The following MAML2 variants were observed in gnomAD, a reference collection of about 807,000 sequenced individuals.
MAML2 encodes the protein mastermind like transcriptional coactivator 2.
MAML2 carries 22 observed loss-of-function variants against 96.1 expected under a neutral mutation model. That is an observed-to-expected ratio of 0.23 (90% confidence interval 0.16 to 0.33). The LOEUF (loss-of-function observed/expected upper bound fraction) is 0.33. Among genes scored for constraint, MAML2 ranks in the 10% least tolerant of loss-of-function variants. The probability of loss-of-function intolerance (pLI) is 1.00; values close to 1 mark genes in which losing one functional copy is unlikely to be tolerated. For missense variants in MAML2, 1,367 were observed against 1,392.4 expected (o/e 0.98, Z 0.29); for synonymous variants, 561 against 521.3 (o/e 1.08, Z -1.04).
At chr11:96,045,460 TC>T (rs1337535839) in intron 2 of MAML2, among the ~76,000 whole-genome samples, 2 of 152,148 alleles carry the variant, frequency 1.3e-5, no homozygotes, top group Admixed American at 1.3e-4. Context: ...GTCTGAGATC[TC>T]CCCAAACCTC....
intron 1 of MAML2, among the ~76,000 whole-genome samples, chr11:96,231,815 A>T (rs965632637): frequency 2.0e-5 from 3 of 152,140 alleles, no homozygotes; most frequent in Non-Finnish European, 4.4e-5. Flanking sequence ...TGTGGGCAGG[A>T]ATCTCCTTAG....
chr11:96,256,564 G>A (rs764676917), intron 1 of MAML2, among the ~76,000 whole-genome samples: 1 of 152,188 alleles, frequency 6.6e-6, no homozygotes, highest in Admixed American at 6.5e-5. Context: ...ATAGGAATCT[G>A]TATTTGTTCT....
rs190299556 is a variant in MAML2 at position 96,222,636 on chromosome 11, G to A, written c.513+118747C>T. Reference sequence around the variant, plus strand: ...CTTCCATTTTGCTACTTCTTTTCATGTTCTAATTCGATGCTCCAGAAGTAC... The same window carrying A: ...CTTCCATTTTGCTACTTCTTTTCATATTCTAATTCGATGCTCCAGAAGTAC... On this transcript the variant is annotated intron_variant, in intron 1 of 4. Coordinates refer to ENST00000524717, the MANE Select transcript of MAML2 (RefSeq NM_032427.4). 1.1e-4 allele frequency among the ~76,000 whole-genome samples: 16 copies of A among 152,228 alleles called. No homozygotes were observed. The East Asian group carries it at 1.9e-3, about 18-fold the overall frequency.
chr11:96,342,920 A>G lies in MAML2; in HGVS notation c.-1025T>C, dbSNP rs1864020221. On this transcript the variant is annotated 5_prime_UTR_variant, in exon 1 of 5. Transcript: ENST00000524717. Reference sequence around the variant, plus strand: ...TGGTCAAACTTACAAACTTCCAGCAAATTGCACCGAGTCATGTCCAGCCAC... The same window carrying G: ...TGGTCAAACTTACAAACTTCCAGCAGATTGCACCGAGTCATGTCCAGCCAC... 1 of 376,810 alleles carries G rather than the reference A, an allele frequency of 2.7e-6. No homozygotes were observed. Among genetic ancestry groups the G allele is most frequent in the East Asian group, 3.7e-5 (1 of 26,864 alleles). The allele number at this position is 376,810 out of a possible 1,614,324, so 23.3% of individuals were successfully genotyped here.
intron 2 of MAML2, among the ~76,000 whole-genome samples, chr11:96,045,751 G>T (rs1480757166): frequency 1.3e-5 from 2 of 152,170 alleles, no homozygotes; most frequent in African/African-American, 4.8e-5. Flanking sequence ...CCAAGTGGAT[G>T]AAACTTCCTT....
rs961384218 is a variant in MAML2, at chr11:96,313,833, A to T, written c.513+27550T>A. ...TCCTCATACTTGATTAAAAATGCAGATATTAGGGTTTTACAGCAGAAATTT... is the reference window on the plus strand; with the variant it reads ...TCCTCATACTTGATTAAAAATGCAGTTATTAGGGTTTTACAGCAGAAATTT... On this transcript the variant is annotated intron_variant, in intron 1 of 4. Transcript: ENST00000524717. Among the ~76,000 whole-genome samples, 8 of 152,310 alleles carry T rather than the reference A, an allele frequency of 5.3e-5. 1 individual carries two copies. In the South Asian group the frequency reaches 1.7e-3, roughly 32 times the overall value.
At chr11:96,224,430 C>G (rs1363913404) in intron 1 of MAML2, among the ~76,000 whole-genome samples, 1 of 152,226 alleles carries the variant, frequency 6.6e-6, no homozygotes, top group Non-Finnish European at 1.5e-5. Flanking sequence ...GAGATCTATA[C>G]TTTCCTACCT....
At chr11:96,184,285 G>T (rs865857019) in intron 1 of MAML2, among the ~76,000 whole-genome samples, 2 of 151,936 alleles carry the variant, frequency 1.3e-5, no homozygotes, top group African/African-American at 4.8e-5. Flanking sequence ...TACTAAAAAC[G>T]TAAAAATTAG....
intron 1 of MAML2, among the ~76,000 whole-genome samples, chr11:96,211,779 G>A (rs990888070): frequency 4.6e-5 from 7 of 152,140 alleles, no homozygotes; most frequent in African/African-American, 7.2e-5. Flanking sequence ...GTTTGGATTC[G>A]TCTTTAAGCA....
intron 1 of MAML2, among the ~76,000 whole-genome samples, chr11:96,160,406 G>A (rs948802996): frequency 6.7e-6 from 1 of 150,286 alleles, no homozygotes; most frequent in Non-Finnish European, 1.5e-5. Flanking sequence ...CAAATAGGTT[G>A]ACCGAAGTCT....
intron 1 of MAML2, among the ~76,000 whole-genome samples, chr11:96,148,435 G>A (rs1389793455): frequency 6.6e-6 from 1 of 150,564 alleles, no homozygotes; most frequent in African/African-American, 2.4e-5. Context: ...ATAGAAGTCT[G>A]TTAAAATGCT....
intron 1 of MAML2, among the ~76,000 whole-genome samples, chr11:96,195,334 C>T (rs542653957): frequency 2.8e-4 from 42 of 152,244 alleles, no homozygotes; most frequent in African/African-American, 9.6e-4. Flanking sequence ...TACTGGGGAG[C>T]TTCAGTGTGG....
At chr11:96,221,907 T>C (rs1444720481) in intron 1 of MAML2, among the ~76,000 whole-genome samples, 1 of 152,138 alleles carries the variant, frequency 6.6e-6, no homozygotes, top group Non-Finnish European at 1.5e-5. Flanking sequence ...TTTCAGGTGT[T>C]TCTACTCTGT....
intron 1 of MAML2, among the ~76,000 whole-genome samples, chr11:96,235,945 C>A (rs1862362114): frequency 6.6e-6 from 1 of 152,176 alleles, no homozygotes; most frequent in Admixed American, 6.5e-5. Context: ...CCACTGCACC[C>A]CCTTCCCAAG....
intron 2 of MAML2, among the ~76,000 whole-genome samples, chr11:96,000,363 T>C (rs1168358951): frequency 1.3e-5 from 2 of 152,214 alleles, no homozygotes; most frequent in African/African-American, 4.8e-5. Flanking sequence ...AACACAGCCA[T>C]ACACATTCAT....
intron 1 of MAML2, among the ~76,000 whole-genome samples, chr11:96,124,765 A>G (rs2135849677): frequency 6.6e-6 from 1 of 152,190 alleles, no homozygotes; most frequent in South Asian, 2.1e-4. Flanking sequence ...AGGGCATGAG[A>G]GGAGGGAAGA....
At chr11:96,323,122 A>AG (rs397847984) in intron 1 of MAML2, among the ~76,000 whole-genome samples, 2 of 150,686 alleles carry the variant, frequency 1.3e-5, no homozygotes, top group Admixed American at 6.6e-5. Context: ...AAAAAAAAAA[A>AG]GCACTCTCCA....
intron 1 of MAML2, among the ~76,000 whole-genome samples, chr11:96,160,927 T>G (rs1007942451): frequency 6.6e-6 from 1 of 152,226 alleles, no homozygotes; most frequent in Non-Finnish European, 1.5e-5. Context: ...CCCCGCCCTC[T>G]GCGAGTGACC....
chr11:96,215,053 T>C (rs1862028083), intron 1 of MAML2, among the ~76,000 whole-genome samples: 1 of 152,230 alleles, frequency 6.6e-6, no homozygotes, highest in Non-Finnish European at 1.5e-5. Context: ...CCATAAGAGA[T>C]GTCTGTGTGT....
Sources: allele counts gnomAD v4.1 joint callset (sites outside exome capture counted in the v4.1 genomes callset), GRCh38; gene constraint gnomAD v4.1.1; transcripts MANE v1.5; gene names NCBI Gene and HGNC (gene_info 2026-07-23, HGNC 2026-07-21).